The following TLL2 variants were observed in gnomAD, a reference collection of about 807,000 sequenced individuals.
TLL2 encodes the protein tolloid like 2.
TLL2 carries 106 observed loss-of-function variants against 123.0 expected under a neutral mutation model. The observed-to-expected ratio is 0.86, with a 90% CI of 0.74 to 1.01. The LOEUF (loss-of-function observed/expected upper bound fraction) is 1.01, where lower values mean the gene tolerates loss of function less well. Among genes scored for constraint, TLL2 ranks in the 50% least tolerant of loss-of-function variants. TLL2 has a pLI of 0.00. For missense variants in TLL2, 1,332 were observed against 1,336.7 expected (o/e 1.00, Z 0.06); for synonymous variants, 494 against 516.8 (o/e 0.96, Z 0.60).
rs373249296 is a variant in TLL2 at position 96,419,509 on chromosome 10, C to T, written c.923+1447G>A. 3.9e-5 allele frequency among the ~76,000 whole-genome samples: 6 copies of T among 152,294 alleles called. No homozygotes were observed. The East Asian group carries it at 9.7e-4, about 25-fold the overall frequency. The stretch of plus-strand genomic sequence containing the variant: ...CATCACACCATGTTTCTTTTACTAT[C>T]TTTGGAAAAGAGCCAGGAGAAGGTC... On this transcript the variant is annotated intron_variant, in intron 7 of 20. Transcript: ENST00000357947.
chr10:96,512,890 A>G (rs1005742981), intron 1 of TLL2, among the ~76,000 whole-genome samples: 1 of 152,080 alleles, frequency 6.6e-6, no homozygotes, highest in Non-Finnish European at 1.5e-5. Context: ...TCCTGGAGGG[A>G]TTAGAGCACC....
At chr10:96,490,556 T>G (rs779874044) in intron 1 of TLL2, among the ~76,000 whole-genome samples, 11 of 152,222 alleles carry the variant, frequency 7.2e-5, no homozygotes, top group Non-Finnish European at 1.3e-4. Context: ...GTTAGCTATT[T>G]GAGGAAAAGT....
At chr10:96,507,774 G>C (rs900024599) in intron 1 of TLL2, among the ~76,000 whole-genome samples, 1 of 152,210 alleles carries the variant, frequency 6.6e-6, no homozygotes, top group Non-Finnish European at 1.5e-5. Context: ...CTGCATCAGA[G>C]CCTGTGCTCT....
In TLL2 at chr10:96,513,820, G is replaced by T; in HGVS notation, c.-135C>A. 2.1e-6 allele frequency: 2 copies of T among 966,076 alleles called. No individual in the cohort carries two copies. The highest frequency in any genetic ancestry group is 2.8e-6 in the Non-Finnish European group (2 of 713,314). 59.8% of individuals were successfully genotyped at this position (966,076 alleles called of 1,614,324 possible). ...CACAGGGCTGCTGGGCATGGCTCAG[G>T]CGCGGAGCAAGCGGAGCGCGGCGCC... On this transcript the variant is annotated 5_prime_UTR_variant, in exon 1 of 21. Transcript: ENST00000357947.
intron 1 of TLL2, among the ~76,000 whole-genome samples, chr10:96,509,876 G>A (rs1048496530): frequency 6.6e-6 from 1 of 152,248 alleles, no homozygotes; most frequent in African/African-American, 2.4e-5. Context: ...GAACCCGGGA[G>A]GCGGAGCTTG....
At chr10:96,413,779 T>A (rs190654412) in intron 7 of TLL2, among the ~76,000 whole-genome samples, 1 of 152,132 alleles carries the variant, frequency 6.6e-6, no homozygotes, top group African/African-American at 2.4e-5. Flanking sequence ...CAAGTGCAGG[T>A]TGATGAATTG....
chr10:96,483,010 G>A (rs1589433880), intron 1 of TLL2, among the ~76,000 whole-genome samples: 1 of 152,180 alleles, frequency 6.6e-6, no homozygotes, highest in East Asian at 1.9e-4. Context: ...GACATGTTTA[G>A]AAAATAACTG....
chr10:96,383,531 A>G (rs1350301966), intron 16 of TLL2, among the ~76,000 whole-genome samples: 1 of 152,184 alleles, frequency 6.6e-6, no homozygotes. Context: ...CAGCCATGTA[A>G]GACATGCCTT....
chr10:96,493,578 C>T (rs1025392849), intron 1 of TLL2, among the ~76,000 whole-genome samples: 1 of 152,064 alleles, frequency 6.6e-6, no homozygotes, highest in African/African-American at 2.4e-5. Context: ...GCCAGGGGAT[C>T]TGAGAGGCTC....
At chr10:96,431,687 CT>C (rs1216887861) in intron 4 of TLL2, among the ~76,000 whole-genome samples, 2 of 152,088 alleles carry the variant, frequency 1.3e-5, no homozygotes, top group Non-Finnish European at 2.9e-5. Context: ...TCCCACAGAG[CT>C]TAGACAGAGA....
chr10:96,401,173 G>T (rs775132846), intron 10 of TLL2, among the ~76,000 whole-genome samples: 1 of 152,116 alleles, frequency 6.6e-6, no homozygotes, highest in Non-Finnish European at 1.5e-5. Flanking sequence ...AGTCATAAAG[G>T]GTTCATTCAT....
chr10:96,432,842 C>T lies in TLL2; in HGVS notation c.485G>A (p.Gly162Glu). The change falls in exon 4 of 21, where the codon GGA becomes GAA. Residue 162 changes from glycine to glutamate, a missense_variant. Transcript: ENST00000357947. ...TSRTERIWPG[G>E]VIPYVIGGNF... The stretch of plus-strand genomic sequence containing the variant: ...CCCTCCAATGACGTAGGGGATGACT[C>T]CTCCAGGCCATATCCTCTCTGTCCT... 6.2e-7 allele frequency: 1 copy of T among 1,614,122 alleles called. No homozygotes were observed. The highest frequency in any genetic ancestry group is 1.1e-5 in the South Asian group (1 of 91,070).
chr10:96,375,167 A>G (rs1234177402), intron 18 of TLL2: 1 of 152,198 alleles, frequency 6.6e-6, no homozygotes, highest in East Asian at 1.9e-4. Flanking sequence ...GGGACAGGGG[A>G]GCAGTGGCAC....
chr10:96,419,236 GATCATA>G (rs2134074373), intron 7 of TLL2, among the ~76,000 whole-genome samples: 1 of 152,052 alleles, frequency 6.6e-6, no homozygotes, highest in Non-Finnish European at 1.5e-5. Context: ...CAGTGAATGA[GATCATA>G]ATCTGTCAAC....
intron 19 of TLL2, among the ~76,000 whole-genome samples, chr10:96,371,537 C>T (rs895912657): frequency 5.9e-5 from 9 of 152,224 alleles, no homozygotes; most frequent in Admixed American, 1.3e-4. Context: ...TGCCTGGCCC[C>T]GGTCCTGTCT....
At chr10:96,489,878 C>T (rs1202298540) in intron 1 of TLL2, among the ~76,000 whole-genome samples, 2 of 152,162 alleles carry the variant, frequency 1.3e-5, no homozygotes, top group African/African-American at 4.8e-5. Context: ...AGGTGGATTA[C>T]GTGAGGTCAG....
intron 1 of TLL2, among the ~76,000 whole-genome samples, chr10:96,502,641 C>T (rs1240371490): frequency 2.0e-5 from 3 of 152,048 alleles, no homozygotes. Flanking sequence ...CCTTAGTGAG[C>T]CAAGGAGGAC....
intron 7 of TLL2, among the ~76,000 whole-genome samples, chr10:96,416,073 C>T (rs1441776781): frequency 6.6e-6 from 1 of 152,010 alleles, no homozygotes; most frequent in Non-Finnish European, 1.5e-5. Context: ...TCCTTGGCCT[C>T]CCTCACTGAC....
chr10:96,456,832 C>T (rs1418321053), intron 2 of TLL2, among the ~76,000 whole-genome samples: 1 of 152,218 alleles, frequency 6.6e-6, no homozygotes, highest in African/African-American at 2.4e-5. Flanking sequence ...GCACAAAGAA[C>T]AGTGCAAGCA....
Sources: gnomAD v4.1 joint callset for allele counts (sites outside exome capture counted in the v4.1 genomes callset) on GRCh38, gnomAD v4.1.1 for gene constraint, MANE v1.5 for transcripts, NCBI Gene and HGNC (gene_info 2026-07-23, HGNC 2026-07-21) for gene names.